Variants in NUP133 observed in about 807,000 individuals in gnomAD.
NUP133 encodes the protein nucleoporin 133.
A neutral mutation model predicts 146.2 loss-of-function variants in NUP133; 66 were observed. The observed-to-expected ratio is 0.45, with a 90% CI of 0.37 to 0.55. NUP133 has a LOEUF of 0.55. NUP133 is among the 20% of genes least tolerant of loss of function. NUP133 has a pLI of 0.00. For missense variants in NUP133, 1,277 were observed against 1,374.8 expected, an observed-to-expected ratio of 0.93 and a Z score of 1.12; for synonymous variants, 521 against 498.8, an observed-to-expected ratio of 1.04 and a Z score of -0.59.
At chr1:229,502,181 T>C (rs1184091147) in intron 2 of NUP133, 79 bp from the exon 3 acceptor site, 6 of 1,043,896 alleles carry the variant, frequency 5.7e-6, no homozygotes, top group African/African-American at 1.6e-5. Context: ...AAAAAAGTAA[T>C]TGGCACACTC....
intron 13 of NUP133, among the ~76,000 whole-genome samples, chr1:229,476,741 T>C (rs1454982910): frequency 3.3e-5 from 5 of 151,830 alleles, no homozygotes; most frequent in Admixed American, 6.6e-5. Flanking sequence ...CTGGCCAACA[T>C]GGTAAAACTA....
intron 3 of NUP133, among the ~76,000 whole-genome samples, chr1:229,501,457 A>G (rs1661795647): frequency 6.6e-6 from 1 of 152,224 alleles, no homozygotes; most frequent in Non-Finnish European, 1.5e-5. Flanking sequence ...ATGGCCAAGG[A>G]AGTAATGACT....
chr1:229,477,397 G>A (rs895647008), intron 13 of NUP133, among the ~76,000 whole-genome samples, 200 bp downstream of exon 13: 12 of 144,898 alleles, frequency 8.3e-5, no homozygotes, highest in African/African-American at 2.6e-4. Flanking sequence ...CCAAGATCGC[G>A]CCACTGCACT....
In NUP133 at chr1:229,464,650, T is replaced by C. The variant is rs1660770650; in HGVS notation, c.2525A>G (p.Lys842Arg). Residue 842 changes from lysine to arginine, a missense_variant, in exon 18 of 26, where the codon AAA becomes AGA. Lys to Arg is a conservative substitution (Grantham distance 26). Transcript: ENST00000261396. ...YDNLEMEYLQ[K>R]RSDLLSPLLS... ...AAGAGGAGATAAGAGATCTGATCTT[T>C]TCTGTAGGTATTCCATCTCCAGATT... 1 of 1,614,190 alleles carries C rather than the reference T, an allele frequency of 6.2e-7. No homozygotes were observed. Among genetic ancestry groups the C allele is most frequent in the Non-Finnish European group, 8.5e-7 (1 of 1,179,998 alleles).
At chr1:229,452,445 G>A in intron 22 of NUP133, 80 bp downstream of exon 22, 1 of 1,028,432 alleles carries the variant, frequency 9.7e-7, no homozygotes, top group Non-Finnish European at 1.4e-6. Context: ...CTCCTCTTAG[G>A]AACTATACTA....
chr1:229,461,158 G>A (rs957476798), intron 19 of NUP133, among the ~76,000 whole-genome samples: 13 of 152,150 alleles, frequency 8.5e-5, no homozygotes, highest in Admixed American at 7.2e-4. Context: ...TTTGGACAGC[G>A]CATTATCAAC....
chr1:229,498,931 C>T (rs922368551), intron 5 of NUP133, among the ~76,000 whole-genome samples: 2 of 152,092 alleles, frequency 1.3e-5, no homozygotes, highest in Admixed American at 1.3e-4. Context: ...TAGGGTCTCG[C>T]TCTGTCACCC....
intron 15 of NUP133, among the ~76,000 whole-genome samples, chr1:229,468,759 TA>T (rs1660883707): frequency 6.6e-6 from 1 of 152,184 alleles, no homozygotes; most frequent in Admixed American, 6.5e-5. Flanking sequence ...CATATAAAAT[TA>T]TATATGAATA....
chr1:229,494,364 A>G (rs1661600137), intron 8 of NUP133, among the ~76,000 whole-genome samples: 1 of 152,222 alleles, frequency 6.6e-6, no homozygotes, highest in African/African-American at 2.4e-5. Context: ...ACAGTCCAAG[A>G]GAGAGACAAA....
intron 25 of NUP133, among the ~76,000 whole-genome samples, chr1:229,444,588 T>C (rs1200957450): frequency 6.9e-6 from 1 of 145,680 alleles, no homozygotes; most frequent in East Asian, 2.0e-4. Context: ...TTCTTGGTTC[T>C]TTTTTTTTTT....
intron 8 of NUP133, among the ~76,000 whole-genome samples, chr1:229,492,122 T>C (rs1347538822): frequency 4.6e-5 from 7 of 152,062 alleles, no homozygotes; most frequent in African/African-American, 7.2e-5. Flanking sequence ...TTTTTTTTTT[T>C]TGAGGCGGAG....
In NUP133 at chr1:229,458,416, C is replaced by T. The variant is rs528139909; in HGVS notation, c.2845-120G>A. 1.4e-5 allele frequency: 13 copies of T among 928,424 alleles called. No homozygotes were observed. In the African/African-American group the frequency reaches 1.8e-4, roughly 13 times the overall value. The allele number at this position is 928,424 out of a possible 1,614,324, so 57.5% of individuals were successfully genotyped here. A position where few individuals can be genotyped will look rare whatever the true frequency, so the allele number is the denominator to read the frequency against. On this transcript the variant is annotated intron_variant, in intron 20 of 25. Transcript: ENST00000261396. ...GCCGTATCAATGAATGAGAAGTCAACAGTTAGCAAACCTAAAAACTGAGCA... is the reference window on the plus strand; with the variant it reads ...GCCGTATCAATGAATGAGAAGTCAATAGTTAGCAAACCTAAAAACTGAGCA...
intron 8 of NUP133, among the ~76,000 whole-genome samples, chr1:229,492,107 A>C (rs1265939670): frequency 7.1e-6 from 1 of 140,326 alleles, no homozygotes; most frequent in Admixed American, 7.2e-5. Flanking sequence ...TACTAGCAAC[A>C]TTTTTTTTTT....
chr1:229,506,295 G>T, intron 1 of NUP133, 137 bp from the exon 2 acceptor site: 4 of 480,170 alleles, frequency 8.3e-6, no homozygotes, highest in South Asian at 3.0e-5. Flanking sequence ...GTAATTAAAT[G>T]TAATATTTTT....
intron 1 of NUP133, chr1:229,507,785 G>C: frequency 1.5e-5 from 5 of 335,312 alleles, no homozygotes; most frequent in Non-Finnish European, 2.1e-5. Flanking sequence ...CAGATCACAC[G>C]GGTAGTAGGT....
intron 24 of NUP133, among the ~76,000 whole-genome samples, chr1:229,447,073 G>A (rs536671926): frequency 1.6e-4 from 24 of 149,462 alleles, no homozygotes; most frequent in Non-Finnish European, 1.9e-4. Context: ...GTGGTGAGCC[G>A]AGACTGTGCC....
At chr1:229,473,663 C>A (rs866117403) in intron 14 of NUP133, among the ~76,000 whole-genome samples, 3 of 152,176 alleles carry the variant, frequency 2.0e-5, no homozygotes, top group East Asian at 1.9e-4. Flanking sequence ...GTGGCTCACA[C>A]CTGTAATCGC....
chr1:229,474,374 G>GT (rs1661026238), intron 14 of NUP133, among the ~76,000 whole-genome samples: 1 of 151,970 alleles, frequency 6.6e-6, no homozygotes, highest in Non-Finnish European at 1.5e-5. Context: ...GAGAAAATAT[G>GT]TTTTTTCCTC....
intron 21 of NUP133, among the ~76,000 whole-genome samples, chr1:229,455,704 T>C (rs1053577689): frequency 3.9e-5 from 6 of 152,198 alleles, no homozygotes; most frequent in Non-Finnish European, 7.4e-5. Context: ...TCTATGTATA[T>C]AGGTAATTTT....
Sources: allele counts gnomAD v4.1 joint callset (sites outside exome capture counted in the v4.1 genomes callset), GRCh38; gene constraint gnomAD v4.1.1; transcripts MANE v1.5; gene names NCBI Gene and HGNC (gene_info 2026-07-23, HGNC 2026-07-21).